PDE4B: variants seen among roughly 807,000 people sequenced by gnomAD.
PDE4B encodes phosphodiesterase 4B.
Under a neutral mutation model 82.2 loss-of-function variants are expected in PDE4B, and 20 were observed. That is an observed-to-expected ratio of 0.24 (90% CI 0.17 to 0.35). The LOEUF (loss-of-function observed/expected upper bound fraction) is 0.35, where lower values mean the gene tolerates loss of function less well. Among genes scored for constraint, PDE4B ranks in the 10% least tolerant of loss-of-function variants. PDE4B has a pLI of 1.00. For missense variants in PDE4B, 655 were observed against 907.2 expected, an observed-to-expected ratio of 0.72 and a Z score of 3.57; for synonymous variants, 320 against 318.9, an observed-to-expected ratio of 1.00 and a Z score of -0.04.
chr1:65,939,188 A>C (rs1276061650), intron 3 of PDE4B, among the ~76,000 whole-genome samples: 3 of 152,122 alleles, frequency 2.0e-5, no homozygotes, highest in Non-Finnish European at 4.4e-5. Flanking sequence ...TCTTCTCTCC[A>C]GCAGTAAGAA....
At chr1:65,874,351 T>A (rs1276522276) in intron 1 of PDE4B, among the ~76,000 whole-genome samples, 2 of 152,312 alleles carry the variant, frequency 1.3e-5, no homozygotes, top group African/African-American at 2.4e-5. Flanking sequence ...TATACAATCA[T>A]GTCGTCTGCA....
intron 1 of PDE4B, among the ~76,000 whole-genome samples, chr1:65,837,559 G>T (rs1189797181): frequency 6.6e-6 from 1 of 152,174 alleles, no homozygotes; most frequent in Non-Finnish European, 1.5e-5. Context: ...CGTGAGTCTG[G>T]ATCATGCCAC....
rs1410397919 is a variant in PDE4B at position 65,884,503 on chromosome 1, A to G, written c.-70-28742A>G. Among the ~76,000 whole-genome samples the G allele has an allele frequency of 3.3e-5, 5 of 152,290 alleles. No individual in the cohort carries two copies. The South Asian group carries it at 8.3e-4, about 25-fold the overall frequency. ...ACCAAAACAGCATGGTACTGGTACCAAAACAGACATATAGACCAATGGAAC... is the reference window on the plus strand; with the variant it reads ...ACCAAAACAGCATGGTACTGGTACCGAAACAGACATATAGACCAATGGAAC... On this transcript the variant is annotated intron_variant, in intron 1 of 16. Coordinates refer to ENST00000341517, the MANE Select transcript of PDE4B (RefSeq NM_002600.4).
At chr1:66,044,439 T>C (rs934132355) in intron 3 of PDE4B, among the ~76,000 whole-genome samples, 2 of 151,732 alleles carry the variant, frequency 1.3e-5, no homozygotes, top group African/African-American at 4.8e-5. Flanking sequence ...AAGAGAAAAG[T>C]AATGAATGAT....
intron 3 of PDE4B, among the ~76,000 whole-genome samples, chr1:66,234,436 A>G (rs1258088617): frequency 2.6e-5 from 4 of 152,054 alleles, no homozygotes; most frequent in Non-Finnish European, 4.4e-5. Context: ...CTACAGGTGC[A>G]TGCCACTATA....
At chr1:65,808,795 A>G (rs1645785555) in intron 1 of PDE4B, among the ~76,000 whole-genome samples, 1 of 152,204 alleles carries the variant, frequency 6.6e-6, no homozygotes. Context: ...TACTTGGTAA[A>G]GGGTAGAACC....
At chr1:65,953,197 A>C (rs1649090374) in intron 3 of PDE4B, among the ~76,000 whole-genome samples, 1 of 152,054 alleles carries the variant, frequency 6.6e-6, no homozygotes, top group East Asian at 1.9e-4. Flanking sequence ...GCCCATTCCC[A>C]ACATTTACAG....
intron 3 of PDE4B, among the ~76,000 whole-genome samples, chr1:66,180,887 A>G (rs907634096): frequency 2.0e-5 from 3 of 152,228 alleles, no homozygotes; most frequent in Admixed American, 1.3e-4. Context: ...TGGCACTGAA[A>G]CACAATAATA....
intron 1 of PDE4B, among the ~76,000 whole-genome samples, chr1:65,861,562 A>G (rs1218240327): frequency 6.6e-6 from 1 of 152,172 alleles, no homozygotes; most frequent in East Asian, 1.9e-4. Context: ...AATTTAAAGT[A>G]GTTTTTTTCT....
intron 3 of PDE4B, among the ~76,000 whole-genome samples, chr1:65,930,716 C>A (rs376791143): frequency 1.3e-5 from 2 of 152,260 alleles, no homozygotes; most frequent in African/African-American, 2.4e-5. Context: ...ACTATACCCC[C>A]ATTGTATCTT....
Position 66,266,041 on chromosome 1 carries a change from G to T in PDE4B, c.588G>T (p.Arg196Ser), listed in dbSNP as rs192869700. The T allele has an allele frequency of 3.1e-6, 5 of 1,613,086 alleles. No individual in the cohort carries two copies. The African/African-American group carries it at 6.7e-5, about 22-fold the overall frequency. The change falls in exon 7 of 17, where the codon AGG (arginine) becomes AGT (serine). Residue 196 changes from arginine (R) to serine (S), a missense_variant. Physicochemically the swap from Arg to Ser is moderately radical, Grantham distance 110. This residue lies in a region of PDE4B where 253 missense variants were observed against 275.6 expected (regional missense o/e 0.92). Coordinates refer to ENST00000341517, the MANE Select transcript of PDE4B (RefSeq NM_002600.4). ...CTTCTTTTCTCTGTCTCCACAGGAG[G>T]TCCCCAGCTGCTAGTCAGCCTCCTG... Reference protein sequence around the residue: ...LTNLHGTSNKRSPAASQPPVS... With the variant: ...LTNLHGTSNKSSPAASQPPVS...
intron 1 of PDE4B, among the ~76,000 whole-genome samples, chr1:65,871,838 C>T (rs1031729674): frequency 1.3e-5 from 2 of 152,148 alleles, no homozygotes; most frequent in African/African-American, 2.4e-5. Flanking sequence ...GAAATTCTAT[C>T]TCTAGATGTC....
intron 3 of PDE4B, among the ~76,000 whole-genome samples, chr1:66,099,619 T>TA (rs1420637394): frequency 6.6e-6 from 1 of 152,160 alleles, no homozygotes; most frequent in East Asian, 1.9e-4. Flanking sequence ...CCTAAACACA[T>TA]AGTTGATATT....
intron 3 of PDE4B, among the ~76,000 whole-genome samples, chr1:66,066,640 T>A (rs1655864166): frequency 6.6e-6 from 1 of 151,922 alleles, no homozygotes; most frequent in South Asian, 2.1e-4. Context: ...CTTTTTGACT[T>A]TCTTCATTCT....
At chr1:66,174,683 G>A (rs1444349646) in intron 3 of PDE4B, among the ~76,000 whole-genome samples, 4 of 152,070 alleles carry the variant, frequency 2.6e-5, no homozygotes, top group South Asian at 2.1e-4. Context: ...TTGAACCTGG[G>A]AGGTGGAGGT....
chr1:66,341,542 G>A (rs1355292456), intron 8 of PDE4B, among the ~76,000 whole-genome samples: 1 of 152,084 alleles, frequency 6.6e-6, no homozygotes, highest in Non-Finnish European at 1.5e-5. Context: ...AATGCCCCTG[G>A]TTTTAATTTC....
At chr1:65,826,478 G>A (rs186099646) in intron 1 of PDE4B, among the ~76,000 whole-genome samples, 7 of 152,178 alleles carry the variant, frequency 4.6e-5, no homozygotes, top group East Asian at 3.9e-4. Flanking sequence ...GTCCCACCAG[G>A]TACTCAGAGT....
chr1:66,022,027 C>T (rs1319226757), intron 3 of PDE4B, among the ~76,000 whole-genome samples: 2 of 152,204 alleles, frequency 1.3e-5, no homozygotes, highest in Admixed American at 6.5e-5. Context: ...AGGTCCTTCA[C>T]ATCCCTTGTA....
intron 3 of PDE4B, among the ~76,000 whole-genome samples, chr1:65,968,538 A>G (rs1292679294): frequency 2.0e-5 from 3 of 151,872 alleles, no homozygotes; most frequent in Non-Finnish European, 4.4e-5. Flanking sequence ...AAGATCTTAG[A>G]GGAATGGGAA....
Sources: gnomAD v4.1 joint callset for allele counts (sites outside exome capture counted in the v4.1 genomes callset) on GRCh38, gnomAD v4.1.1 for gene constraint, gnomAD v4.1.1 regional missense constraint, MANE v1.5 for transcripts, NCBI Gene and HGNC (gene_info 2026-07-23, HGNC 2026-07-21) for gene names.